Variants in TVP23C observed in about 807,000 individuals in gnomAD.
TVP23C encodes Golgi apparatus membrane protein TVP23 homolog C.
In TVP23C, 19 loss-of-function variants were observed where a neutral mutation model predicts 28.7. The observed-to-expected ratio is 0.66, with a 90% CI of 0.46 to 0.97. TVP23C has a LOEUF of 0.97. Among genes scored for constraint, TVP23C ranks in the 50% least tolerant of loss-of-function variants. TVP23C has a pLI of 0.00. For synonymous variants in TVP23C, 68 were observed against 81.7 expected, an observed-to-expected ratio of 0.83 and a Z score of 0.90; for missense variants, 186 against 241.3, an observed-to-expected ratio of 0.77 and a Z score of 1.52.
intron 5 of TVP23C, among the ~76,000 whole-genome samples, chr17:15,526,632 A>G (rs1982738658): frequency 6.6e-6 from 1 of 152,222 alleles, no homozygotes; most frequent in African/African-American, 2.4e-5. Context: ...TTGTAGGAAA[A>G]CCATCATTTC....
chr17:15,551,341 CA>C (rs1223008472), intron 3 of TVP23C, among the ~76,000 whole-genome samples: 10 of 149,874 alleles, frequency 6.7e-5, no homozygotes, highest in Non-Finnish European at 1.5e-4. Context: ...CTCCTGACCT[CA>C]TGATCCACCC....
intron 5 of TVP23C, among the ~76,000 whole-genome samples, chr17:15,514,653 G>A (rs1318497518): frequency 6.6e-6 from 1 of 152,108 alleles, no homozygotes; most frequent in Non-Finnish European, 1.5e-5. Flanking sequence ...TGGCAAAACT[G>A]GTAAAACGGA....
In TVP23C at chr17:15,547,204, C is replaced by T; in HGVS notation, c.241-56G>A. On this transcript the variant is annotated intron_variant, in intron 3 of 5. Transcript: ENST00000518321. ...TTAAAAGCATTATTTAAAGATCTGT[C>T]ACAAGCTCCTATCTTAGTGTAACAT... The T allele has an allele frequency of 1.6e-5, 25 of 1,612,574 alleles. 1 individual carries two copies. The highest frequency in any genetic ancestry group is 2.1e-5 in the Non-Finnish European group (25 of 1,179,270).
At chr17:15,516,917 AGT>A (rs1982252520) in intron 5 of TVP23C, among the ~76,000 whole-genome samples, 1 of 152,154 alleles carries the variant, frequency 6.6e-6, no homozygotes, top group African/African-American at 2.4e-5. Flanking sequence ...GGCATCCCAC[AGT>A]GTGTGCTGTC....
intron 5 of TVP23C, among the ~76,000 whole-genome samples, chr17:15,504,710 T>A (rs1269738518): frequency 6.6e-6 from 1 of 152,038 alleles, no homozygotes; most frequent in Non-Finnish European, 1.5e-5. Context: ...ATTTTTAAAA[T>A]TTTTTTGTAG....
chr17:15,549,557 T>C (rs1457631956), intron 3 of TVP23C, among the ~76,000 whole-genome samples: 4 of 151,986 alleles, frequency 2.6e-5, no homozygotes, highest in Non-Finnish European at 4.4e-5. Flanking sequence ...TGCATGCCTG[T>C]AGTCTCAGCT....
downstream of TVP23C, among the ~76,000 whole-genome samples, chr17:15,532,257 T>C: frequency 6.6e-6 from 1 of 152,212 alleles, no homozygotes; most frequent in Non-Finnish European, 1.5e-5. Context: ...ACCAATTGTT[T>C]ATAACAAACA....
At chr17:15,505,905 G>A (rs983579884) in intron 5 of TVP23C, among the ~76,000 whole-genome samples, 20 of 152,346 alleles carry the variant, frequency 1.3e-4, no homozygotes, top group African/African-American at 4.1e-4. Flanking sequence ...ATTTCTCACC[G>A]AGCCTTAGCT....
chr17:15,554,239 T>TC (rs1597546285), intron 2 of TVP23C, among the ~76,000 whole-genome samples: 2 of 147,428 alleles, frequency 1.4e-5, no homozygotes, highest in East Asian at 3.9e-4. Flanking sequence ...TTTGTTTCTT[T>TC]TTTTTTTTTT....
At chr17:15,550,601 C>T (rs933377816) in intron 3 of TVP23C, among the ~76,000 whole-genome samples, 35 of 152,220 alleles carry the variant, frequency 2.3e-4, no homozygotes, top group Middle Eastern at 3.4e-3. Flanking sequence ...CATCATAATG[C>T]TTTTCTATTT....
intron 1 of TVP23C, among the ~76,000 whole-genome samples, chr17:15,561,630 G>GAATGAATGAATAAATAAATA (rs1350335513): frequency 7.6e-6 from 1 of 131,604 alleles, no homozygotes; most frequent in African/African-American, 2.9e-5. Context: ...ATGAATGAAT[G>GAATGAATGAATAAATAAATA]AATAAATAAA....
chr17:15,503,133 G>A (rs1597497357), exon 6 of TVP23C: 2 of 1,609,588 alleles, frequency 1.2e-6, no homozygotes, highest in Non-Finnish European at 1.7e-6. Flanking sequence ...CCCGGGCAGC[G>A]GCTCACGCCT....
chr17:15,552,025 A>G (rs8073705), intron 3 of TVP23C, among the ~76,000 whole-genome samples: 4,492 of 152,218 alleles, frequency 0.03, 214 homozygotes, highest in African/African-American at 0.1. Context: ...AAAAACAAAA[A>G]TAAACAAACA....
intron 3 of TVP23C, among the ~76,000 whole-genome samples, chr17:15,549,168 T>G (rs1033098042): frequency 6.6e-6 from 1 of 152,188 alleles, no homozygotes; most frequent in South Asian, 2.1e-4. Context: ...ATAAAAAGAT[T>G]AGGAATCCCT....
At chr17:15,541,415 G>A (rs554591461) in intron 5 of TVP23C, among the ~76,000 whole-genome samples, 10 of 152,232 alleles carry the variant, frequency 6.6e-5, no homozygotes, top group African/African-American at 2.4e-4. Context: ...CAATATATAA[G>A]TGGGCAAGGC....
intron 1 of TVP23C, among the ~76,000 whole-genome samples, chr17:15,560,114 C>A (rs1231283352): frequency 3.3e-5 from 5 of 149,400 alleles, no homozygotes; most frequent in African/African-American, 1.2e-4. Context: ...GGCTGGAGTG[C>A]AATGGTGTGA....
chr17:15,503,166 C>A, exon 6 of TVP23C: 1 of 1,591,700 alleles, frequency 6.3e-7, no homozygotes, highest in Non-Finnish European at 8.6e-7. Flanking sequence ...CTTTGGAAGG[C>A]GGAAGCGGGA....
At chr17:15,531,682 TA>T (rs1982955633) in intron 5 of TVP23C, among the ~76,000 whole-genome samples, 2 of 152,194 alleles carry the variant, frequency 1.3e-5, no homozygotes, top group African/African-American at 4.8e-5. Context: ...GTCCACGGTT[TA>T]CTTTAGTTTT....
At chr17:15,526,390 T>A (rs1037600395) in intron 5 of TVP23C, among the ~76,000 whole-genome samples, 10 of 152,296 alleles carry the variant, frequency 6.6e-5, no homozygotes, top group African/African-American at 2.4e-4. Context: ...GATCCCCCAA[T>A]CCTCAGTTTC....
Sources: allele counts gnomAD v4.1 joint callset (sites outside exome capture counted in the v4.1 genomes callset), GRCh38; gene constraint gnomAD v4.1.1; transcripts MANE v1.5; gene names NCBI Gene and HGNC (gene_info 2026-07-23, HGNC 2026-07-21).